SPOCK1: variants seen among roughly 807,000 people sequenced by gnomAD.
SPOCK1 encodes SPARC (osteonectin), cwcv and kazal like domains proteoglycan 1.
SPOCK1 carries 23 observed loss-of-function variants against 55.3 expected under a neutral mutation model. That is an observed-to-expected ratio of 0.42 (90% CI 0.30 to 0.59). The LOEUF (loss-of-function observed/expected upper bound fraction) is 0.59, where lower values mean the gene tolerates loss of function less well. Ranked by LOEUF, SPOCK1 falls within the 20% of genes least tolerant of loss-of-function variation. SPOCK1 has a pLI of 0.22. For synonymous variants in SPOCK1, 226 were observed against 221.0 expected (o/e 1.02, Z -0.20); for missense variants, 499 against 552.5 (o/e 0.90, Z 0.97).
intron 3 of SPOCK1, among the ~76,000 whole-genome samples, chr5:137,165,624 G>C (rs1191723311): frequency 1.3e-5 from 2 of 152,176 alleles, no homozygotes; most frequent in East Asian, 3.9e-4. Flanking sequence ...CTTTCAGACA[G>C]AGAATTCAAA....
chr5:137,356,432 A>T (rs1338167952), intron 2 of SPOCK1, among the ~76,000 whole-genome samples: 2 of 152,056 alleles, frequency 1.3e-5, no homozygotes, highest in Non-Finnish European at 2.9e-5. Context: ...GTAAGCAGAG[A>T]GTGCTCTTTT....
chr5:137,122,489 C>G (rs1339557252), intron 4 of SPOCK1, among the ~76,000 whole-genome samples: 1 of 152,126 alleles, frequency 6.6e-6, no homozygotes, highest in Admixed American at 6.5e-5. Context: ...GTCCACTGAC[C>G]TTTGGCATTT....
Position 136,978,229 on chromosome 5 carries a change from A to C in SPOCK1, c.*425T>G, listed in dbSNP as rs1237790947. 3.2e-6 allele frequency: 1 copy of C among 312,686 alleles called. No individual in the cohort carries two copies. The highest frequency in any genetic ancestry group is 5.8e-6 in the Non-Finnish European group (1 of 172,664). 19.4% of individuals were successfully genotyped at this position (312,686 alleles called of 1,614,324 possible). A position where few individuals can be genotyped will look rare whatever the true frequency, so the allele number is the denominator to read the frequency against. ...TTCTTTTTCACAACATCTACAGGAC[A>C]CAAGAGAAGCACTTAGACACTGTAA... On this transcript the variant is annotated 3_prime_UTR_variant, in exon 11 of 11. Transcript: ENST00000394945.
intron 3 of SPOCK1, among the ~76,000 whole-genome samples, chr5:137,161,804 A>C (rs1253188806): frequency 6.6e-6 from 1 of 152,218 alleles, no homozygotes; most frequent in Non-Finnish European, 1.5e-5. Context: ...GCAAGATGGA[A>C]GATTTTTAAA....
In SPOCK1 at chr5:137,131,971, C is replaced by CA. The variant is rs1156253291; in HGVS notation, c.347+8608dup. Among the ~76,000 whole-genome samples, 28 of 12,714 alleles carry CA rather than the reference C, an allele frequency of 2.2e-3. 1 individual carries two copies. Among genetic ancestry groups the CA allele is most frequent in the Admixed American group, 5.4e-3 (4 of 742 alleles). 8.3% of individuals were successfully genotyped at this position (12,714 alleles called of 152,430 possible). A position where few individuals can be genotyped will look rare whatever the true frequency, so the allele number is the denominator to read the frequency against. On this transcript the variant is annotated intron_variant, in intron 4 of 10. Transcript: ENST00000394945. ...TGGGCGACAGAGCGAGACTCCGTCT[C>CA]AAAAAAAAAAAAAAAAAAATATATA...
chr5:137,156,272 C>A (rs1262832587), intron 3 of SPOCK1, among the ~76,000 whole-genome samples: 1 of 152,088 alleles, frequency 6.6e-6, no homozygotes, highest in Non-Finnish European at 1.5e-5. Flanking sequence ...GTGAAGCTGG[C>A]CTCTGCTGTC....
intron 2 of SPOCK1, among the ~76,000 whole-genome samples, chr5:137,329,957 C>T (rs1758140610): frequency 6.6e-6 from 1 of 152,180 alleles, no homozygotes; most frequent in African/African-American, 2.4e-5. Context: ...GGCCCTCAAA[C>T]TAGGCTCAGT....
rs755899526 is a variant in SPOCK1, at chr5:137,267,062, A to G, written c.187-7T>C. On this transcript the variant is annotated splice_polypyrimidine_tract_variant and splice_region_variant and intron_variant, in intron 2 of 10. Coordinates refer to ENST00000394945, the MANE Select transcript of SPOCK1 (RefSeq NM_004598.4). Reference sequence around the variant, plus strand: ...AGTTTCTGAAATAATCATCCTATATAAGGAAAAAATAGAAAACAAAGGTCA... The same window carrying G: ...AGTTTCTGAAATAATCATCCTATATGAGGAAAAAATAGAAAACAAAGGTCA... The G allele has an allele frequency of 4.3e-6, 7 of 1,611,570 alleles. No individual in the cohort carries two copies. The highest frequency in any genetic ancestry group is 5.9e-6 in the Non-Finnish European group (7 of 1,178,006).
intron 4 of SPOCK1, 111 bp downstream of exon 4, chr5:137,140,469 C>T: frequency 1.2e-6 from 1 of 838,048 alleles, no homozygotes; most frequent in Non-Finnish European, 1.9e-6. Context: ...AATGGCGACC[C>T]TAACACTATG....
chr5:137,046,576 G>A lies in SPOCK1; in HGVS notation c.589+21139C>T, dbSNP rs1171419381. 1.6e-4 allele frequency among the ~76,000 whole-genome samples: 19 copies of A among 117,276 alleles called. No individual in the cohort carries two copies. In the South Asian group the frequency reaches 2.3e-3, roughly 14 times the overall value. 76.9% of individuals were successfully genotyped at this position (117,276 alleles called of 152,430 possible). The stretch of plus-strand genomic sequence containing the variant: ...GGTTTTCTAGATAAACAATCATGTC[G>A]TCTGCAAACAGGGACAATTTGACTT... On this transcript the variant is annotated intron_variant, in intron 6 of 10. Transcript: ENST00000394945.
At chr5:137,150,606 C>T (rs1310312947) in intron 3 of SPOCK1, among the ~76,000 whole-genome samples, 1 of 151,936 alleles carries the variant, frequency 6.6e-6, no homozygotes, top group Non-Finnish European at 1.5e-5. Context: ...TATTGTTGAT[C>T]CAAGCAGACA....
chr5:137,379,187 C>T (rs1452169016), intron 2 of SPOCK1, among the ~76,000 whole-genome samples: 1 of 151,372 alleles, frequency 6.6e-6, no homozygotes, highest in African/African-American at 2.4e-5. Context: ...TGCCACCCTG[C>T]CCCCACCCCA....
intron 2 of SPOCK1, among the ~76,000 whole-genome samples, chr5:137,413,165 TC>T (rs1752245486): frequency 1.3e-5 from 2 of 152,332 alleles, no homozygotes; most frequent in South Asian, 4.1e-4. Context: ...AAAATTCTTT[TC>T]TTCTCAGTCA....
intron 5 of SPOCK1, among the ~76,000 whole-genome samples, chr5:137,083,598 A>T (rs1752910847): frequency 6.6e-6 from 1 of 152,224 alleles, no homozygotes; most frequent in Non-Finnish European, 1.5e-5. Flanking sequence ...CTTGGGGCTT[A>T]CATTCTAGTG....
intron 3 of SPOCK1, among the ~76,000 whole-genome samples, chr5:137,160,532 A>ATATATAT (rs1754509889): frequency 1.7e-5 from 1 of 58,216 alleles, no homozygotes; most frequent in African/African-American, 6.7e-5. Context: ...TAATATATAA[A>ATATATAT]AATATATAAT....
intron 2 of SPOCK1, among the ~76,000 whole-genome samples, chr5:137,273,843 C>T (rs780197867): frequency 6.6e-6 from 1 of 152,182 alleles, no homozygotes; most frequent in Non-Finnish European, 1.5e-5. Context: ...AATTCCTTTG[C>T]CTTGCAGTTT....
intron 3 of SPOCK1, among the ~76,000 whole-genome samples, chr5:137,238,524 A>AGGATC (rs3043240): frequency 6.6e-6 from 1 of 151,696 alleles, no homozygotes; most frequent in Non-Finnish European, 1.5e-5. Flanking sequence ...ATTACCACAT[A>AGGATC]AAGAAGCACA....
chr5:137,335,173 A>C (rs916005774), intron 2 of SPOCK1, among the ~76,000 whole-genome samples: 5 of 152,240 alleles, frequency 3.3e-5, no homozygotes, highest in Non-Finnish European at 5.9e-5. Context: ...GTATACTTAA[A>C]ATGGGCTAAT....
intron 2 of SPOCK1, among the ~76,000 whole-genome samples, chr5:137,430,687 T>A (rs1478095368): frequency 6.6e-6 from 1 of 152,250 alleles, no homozygotes; most frequent in Non-Finnish European, 1.5e-5. Context: ...TTGTTTCCAG[T>A]TAAAATGCGG....
Sources: allele counts gnomAD v4.1 joint callset (sites outside exome capture counted in the v4.1 genomes callset), GRCh38; gene constraint gnomAD v4.1.1; transcripts MANE v1.5; gene names NCBI Gene and HGNC (gene_info 2026-07-23, HGNC 2026-07-21).